The following GAB2 variants were observed in gnomAD, a reference collection of about 807,000 sequenced individuals.
The protein encoded by GAB2 is GRB2 associated binding protein 2.
GAB2 carries 26 observed loss-of-function variants against 65.5 expected under a neutral mutation model. The observed-to-expected ratio is 0.40, with a 90% CI of 0.29 to 0.55. The LOEUF is 0.55. Among genes scored for constraint, GAB2 ranks in the 20% least tolerant of loss-of-function variants. GAB2 has a pLI of 0.53. For synonymous variants in GAB2, 321 were observed against 329.6 expected (o/e 0.97, Z 0.28); for missense variants, 884 against 875.8 (o/e 1.01, Z -0.12).
chr11:78,394,180 T>C (rs1856866688), intron 1 of GAB2, among the ~76,000 whole-genome samples: 1 of 152,092 alleles, frequency 6.6e-6, no homozygotes, highest in Non-Finnish European at 1.5e-5. Flanking sequence ...CCCAGCTACT[T>C]GGGAGGCTGA....
At chr11:78,399,870 T>C (rs535573752) in intron 1 of GAB2, among the ~76,000 whole-genome samples, 7 of 152,328 alleles carry the variant, frequency 4.6e-5, no homozygotes, top group Non-Finnish European at 1.0e-4. Context: ...AGTCTAATTT[T>C]ACAGACAAAG....
rs536442220 is a variant in GAB2 at position 78,216,181 on chromosome 11, A to C, written c.*3091T>G. 3 of 152,548 alleles carry C rather than the reference A, an allele frequency of 2.0e-5. No homozygotes were observed. The highest frequency in any genetic ancestry group is 2.9e-5 in the Non-Finnish European group (2 of 68,062). 9.4% of individuals were successfully genotyped at this position (152,548 alleles called of 1,614,324 possible). A position where few individuals can be genotyped will look rare whatever the true frequency, so the allele number is the denominator to read the frequency against. On this transcript the variant is annotated 3_prime_UTR_variant, in exon 10 of 10. Transcript: ENST00000361507. ...CACAGACAGGCAGATCAAGGACTTA[A>C]GGAGACACCATCTCCCTATTTCTCA...
chr11:78,340,006 A>T (rs940220480), intron 1 of GAB2, among the ~76,000 whole-genome samples: 14 of 152,190 alleles, frequency 9.2e-5, no homozygotes, highest in Admixed American at 9.2e-4. Context: ...TAAAGAGAAA[A>T]TTGTTTTTTA....
In GAB2 at chr11:78,223,560, C is replaced by T. The variant is rs1409612183; in HGVS notation, c.1419G>A (p.Gln473=). Residue 473 remains glutamine, a synonymous_variant, in exon 6 of 10, where the codon CAG becomes CAA. Transcript: ENST00000361507. ...LAMERAGDNS[Q]SVYIPMSPGA... ...CTGGGCTCATTGGGATGTAGACGCTCTGGGAATTATCACCTGCTCGTTCCA... is the reference window on the plus strand; with the variant it reads ...CTGGGCTCATTGGGATGTAGACGCTTTGGGAATTATCACCTGCTCGTTCCA... 5 of 1,613,758 alleles carry T rather than the reference C, an allele frequency of 3.1e-6. No individual in the cohort carries two copies. The highest frequency in any genetic ancestry group is 1.3e-5 in the African/African-American group (1 of 74,878).
At chr11:78,341,879 T>G (rs917742642) in intron 1 of GAB2, 1 of 986,172 alleles carries the variant, frequency 1.0e-6, no homozygotes, top group Non-Finnish European at 1.2e-6. Flanking sequence ...TCTCAAAATT[T>G]CTGATCCAAG....
intron 1 of GAB2, among the ~76,000 whole-genome samples, chr11:78,388,944 T>C (rs1357862865): frequency 6.6e-6 from 1 of 152,138 alleles, no homozygotes; most frequent in Non-Finnish European, 1.5e-5. Context: ...GAACTAGGGA[T>C]GTATTGGTCA....
intron 2 of GAB2, among the ~76,000 whole-genome samples, chr11:78,252,669 C>T (rs986152064): frequency 3.3e-5 from 5 of 152,194 alleles, no homozygotes; most frequent in Non-Finnish European, 7.3e-5. Context: ...ACTTCCACAG[C>T]TTCAGTTACC....
At position 78,346,713 on chromosome 11, in the gene GAB2, A is replaced by T. The variant is rs1321935845; in HGVS notation, c.76-65812T>A. On this transcript the variant is annotated intron_variant, in intron 1 of 9. Transcript: ENST00000361507. ...TATATATATATATATATATATATAT[A>T]TATATATAATTTTTTTTTTTTTTAG... 1.2e-3 allele frequency among the ~76,000 whole-genome samples: 61 copies of T among 49,452 alleles called. 3 individuals are homozygous for T. Among genetic ancestry groups the T allele is most frequent in the South Asian group, 5.9e-3 (11 of 1,868 alleles). The allele number at this position is 49,452 out of a possible 152,430, so 32.4% of individuals were successfully genotyped here. A position where few individuals can be genotyped will look rare whatever the true frequency, so the allele number is the denominator to read the frequency against.
intron 2 of GAB2, among the ~76,000 whole-genome samples, chr11:78,262,370 G>T (rs1035456062): frequency 2.0e-5 from 3 of 152,188 alleles, no homozygotes; most frequent in African/African-American, 7.2e-5. Flanking sequence ...AATAAGAAAT[G>T]ACATAGTCCC....
Position 78,280,639 on chromosome 11 carries a change from C to T in GAB2, c.338G>A (p.Cys113Tyr). ...AGCCTGATTGAAGCCACAGATCTGG[C>T]AGATGCTCTGGACCCACTTATTCAT... Reference protein sequence around the residue: ...EDMNKWVQSICQICGFNQAEE... With the variant: ...EDMNKWVQSIYQICGFNQAEE... Residue 113 changes from cysteine (C) to tyrosine (Y), a missense_variant, in exon 2 of 10, where the codon TGC becomes TAC. Coordinates refer to ENST00000361507, the MANE Select transcript of GAB2 (RefSeq NM_080491.3). 1 of 1,614,112 alleles carries T rather than the reference C, an allele frequency of 6.2e-7. No homozygotes were observed.
chr11:78,404,782 A>C (rs1460042145), intron 1 of GAB2, among the ~76,000 whole-genome samples: 2 of 152,242 alleles, frequency 1.3e-5, no homozygotes, highest in African/African-American at 4.8e-5. Context: ...AGTATAAAGA[A>C]GGGATGGTTA....
chr11:78,301,325 T>C (rs1187267139), intron 1 of GAB2, among the ~76,000 whole-genome samples: 1 of 145,046 alleles, frequency 6.9e-6, no homozygotes. Flanking sequence ...TAGTGGTATC[T>C]TGTGGTTTTT....
intron 1 of GAB2, among the ~76,000 whole-genome samples, chr11:78,321,981 T>C (rs1855733618): frequency 6.6e-6 from 1 of 151,780 alleles, no homozygotes; most frequent in South Asian, 2.1e-4. Flanking sequence ...TGATACATAA[T>C]TATTAACTCA....
chr11:78,373,786 A>G (rs536753290), intron 1 of GAB2, among the ~76,000 whole-genome samples: 121 of 152,280 alleles, frequency 7.9e-4, no homozygotes, highest in Non-Finnish European at 1.5e-3. Context: ...TTGTTAGATG[A>G]TCACACAAAC....
At chr11:78,342,557 C>T (rs1021483339) in intron 1 of GAB2, among the ~76,000 whole-genome samples, 14 of 152,068 alleles carry the variant, frequency 9.2e-5, no homozygotes, top group Admixed American at 2.0e-4. Context: ...TACAGGTGCC[C>T]GCCAGCACGC....
chr11:78,292,211 G>A (rs1445155112), intron 1 of GAB2, among the ~76,000 whole-genome samples: 1 of 152,200 alleles, frequency 6.6e-6, no homozygotes, highest in African/African-American at 2.4e-5. Flanking sequence ...GGATTCTCTA[G>A]GTTTACTGGC....
intron 3 of GAB2, among the ~76,000 whole-genome samples, chr11:78,242,559 T>C (rs778271837): frequency 4.0e-5 from 6 of 149,672 alleles, no homozygotes; most frequent in Non-Finnish European, 8.9e-5. Flanking sequence ...CAAATGAAAA[T>C]AGAAACACAA....
At chr11:78,411,559 G>A (rs1399069140) in intron 1 of GAB2, among the ~76,000 whole-genome samples, 2 of 152,146 alleles carry the variant, frequency 1.3e-5, no homozygotes, top group East Asian at 1.9e-4. Context: ...ACACAAATAC[G>A]TCCAACTGAT....
rs376652364 is a variant in GAB2, at chr11:78,223,422, A to G, written c.1557T>C (p.Pro519=). 9 of 1,525,490 alleles carry G rather than the reference A, an allele frequency of 5.9e-6. No homozygotes were observed. Among genetic ancestry groups the G allele is most frequent in the Non-Finnish European group, 7.9e-6 (9 of 1,135,034 alleles). The allele number at this position is 1,525,490 out of a possible 1,614,324, so 94.5% of individuals were successfully genotyped here. Reference sequence around the variant, plus strand: ...AAAGAATGGACTTACCTTTCCGATCAGGTTTGAGGTTGCGGTTGACAGGGG... The same window carrying G: ...AAAGAATGGACTTACCTTTCCGATCGGGTTTGAGGTTGCGGTTGACAGGGG... ...QPPPVNRNLK[P]DRKAKPTPLD... is the part of the protein sequence containing the mutation. Residue 519 remains proline, a synonymous_variant, in exon 6 of 10, where the codon CCT becomes CCC. Coordinates refer to ENST00000361507, the MANE Select transcript of GAB2 (RefSeq NM_080491.3).
Sources: gnomAD v4.1 joint callset for allele counts (sites outside exome capture counted in the v4.1 genomes callset) on GRCh38, gnomAD v4.1.1 for gene constraint, MANE v1.5 for transcripts, NCBI Gene and HGNC (gene_info 2026-07-23, HGNC 2026-07-21) for gene names.